Variants in CUX1 observed in about 807,000 individuals in gnomAD.
CUX1 encodes cut like homeobox 1, also known as protein CASP.
A neutral mutation model predicts 158.8 loss-of-function variants in CUX1; 31 were observed. The ratio of observed to expected loss-of-function variants is 0.20; its 90% CI spans 0.15 to 0.26. CUX1 has a LOEUF of 0.26. Ranked by LOEUF, CUX1 falls within the 10% of genes least tolerant of loss-of-function variation. The probability of loss-of-function intolerance (pLI) is 1.00; values close to 1 mark genes in which losing one functional copy is unlikely to be tolerated. For missense variants in CUX1, 1,589 were observed against 2,014.6 expected (o/e 0.79, Z 4.04); for synonymous variants, 879 against 862.1 (o/e 1.02, Z -0.34).
At chr7:101,919,854 G>A (rs1212430434) in intron 2 of CUX1, among the ~76,000 whole-genome samples, 1 of 152,206 alleles carries the variant, frequency 6.6e-6, no homozygotes, top group African/African-American at 2.4e-5. Flanking sequence ...GAGGGGTGCT[G>A]TGTGGTGGCT....
rs528592275 is a variant in CUX1, at chr7:102,133,097, G to A, written c.674+17824G>A. On this transcript the variant is annotated intron_variant, in intron 8 of 23. Coordinates refer to ENST00000292535, the MANE Select transcript of CUX1 (RefSeq NM_181552.4). ...AAAGTTATCTTTCTAAAATCTGTCT[G>A]ATCCTGCTAAAACCTGTCCCACTTA... is the stretch of plus-strand genomic sequence containing the variant. Among the ~76,000 whole-genome samples, 71 of 152,214 alleles carry A rather than the reference G, an allele frequency of 4.7e-4. No homozygotes were observed. The Middle Eastern group carries it at 0.01, about 22-fold the overall frequency.
rs143431970 is a variant in CUX1 at position 102,109,037 on chromosome 7, A to G, written c.531-2661A>G. Among the ~76,000 whole-genome samples the G allele has an allele frequency of 2.4e-3, 370 of 152,334 alleles. 1 individual carries two copies. Among genetic ancestry groups the G allele is most frequent in the African/African-American group, 8.6e-3 (357 of 41,576 alleles). ...CCAAACTGCTGGGATTACAGGCGTC[A>G]TTCTTTATAACAAAAAATTGTTGAT... On this transcript the variant is annotated intron_variant, in intron 6 of 23. Transcript: ENST00000292535.
At chr7:101,877,004 T>A (rs1432057799) in intron 1 of CUX1, among the ~76,000 whole-genome samples, 37 of 152,192 alleles carry the variant, frequency 2.4e-4, no homozygotes, top group Non-Finnish European at 5.9e-5. Flanking sequence ...TCCGTGCAGC[T>A]TTTCTATGAT....
chr7:102,018,144 A>G (rs1818882627), intron 2 of CUX1, among the ~76,000 whole-genome samples: 2 of 151,966 alleles, frequency 1.3e-5, no homozygotes, highest in South Asian at 4.2e-4. Flanking sequence ...AACTTTTTGT[A>G]GAGCAGGAGT....
At chr7:101,987,769 C>T (rs918275248) in intron 2 of CUX1, among the ~76,000 whole-genome samples, 2 of 152,206 alleles carry the variant, frequency 1.3e-5, no homozygotes, top group South Asian at 4.1e-4. Flanking sequence ...TTACAGGAAA[C>T]GGCAAATGAA....
intron 4 of CUX1, among the ~76,000 whole-genome samples, chr7:102,096,926 C>A (rs990010606): frequency 6.6e-6 from 1 of 152,218 alleles, no homozygotes; most frequent in Non-Finnish European, 1.5e-5. Context: ...CATCAGGTGT[C>A]ACTTCCAGCC....
chr7:102,047,358 G>GGGATAGATGGATGGATGATTGGATAGAA (rs1822935080), intron 3 of CUX1, among the ~76,000 whole-genome samples: 1 of 151,850 alleles, frequency 6.6e-6, no homozygotes, highest in African/African-American at 2.4e-5. Flanking sequence ...GGGTGAATAG[G>GGGATAGATGGATGGATGATTGGATAGAA]GGATAGATGG....
chr7:102,119,952 T>C (rs925402897), intron 8 of CUX1, among the ~76,000 whole-genome samples: 1 of 152,228 alleles, frequency 6.6e-6, no homozygotes, highest in Non-Finnish European at 1.5e-5. Context: ...CTAATAGCCT[T>C]AACCTTGGAG....
chr7:102,013,549 C>T (rs1274906666), intron 2 of CUX1, among the ~76,000 whole-genome samples: 5 of 152,174 alleles, frequency 3.3e-5, no homozygotes, highest in Non-Finnish European at 5.9e-5. Context: ...ATTCAAAAGG[C>T]AGTTATTGAC....
At chr7:102,258,953 G>A (rs1490702019), downstream of CUX1, among the ~76,000 whole-genome samples, 1 of 152,196 alleles carries the variant, frequency 6.6e-6, no homozygotes, top group African/African-American at 2.4e-5. Context: ...GCTTCTCCGC[G>A]CAGTTGTGAC....
At chr7:102,266,375 C>T (rs550229245) in intron 14 of CUX1, among the ~76,000 whole-genome samples, 33 of 151,870 alleles carry the variant, frequency 2.2e-4, no homozygotes, top group African/African-American at 4.3e-4. Context: ...TGTCACCTCC[C>T]GAGGCTGGAC....
At chr7:102,034,432 C>T (rs1455439844) in intron 3 of CUX1, among the ~76,000 whole-genome samples, 1 of 151,976 alleles carries the variant, frequency 6.6e-6, no homozygotes, top group African/African-American at 2.4e-5. Flanking sequence ...CCAGCCTGGA[C>T]AATGTGGTGG....
intron 17 of CUX1, chr7:102,277,932 TGCCCC>T: frequency 5.2e-6 from 6 of 1,150,370 alleles, no homozygotes; most frequent in Non-Finnish European, 7.4e-6. Flanking sequence ...CCCCTTTCCT[TGCCCC>T]TCCCCCCCCA....
chr7:102,044,260 G>T (rs2129848487), intron 3 of CUX1, among the ~76,000 whole-genome samples: 1 of 152,104 alleles, frequency 6.6e-6, no homozygotes, highest in Non-Finnish European at 1.5e-5. Flanking sequence ...TGCCATCTTG[G>T]CTCACTGCAA....
intron 22 of CUX1, among the ~76,000 whole-genome samples, chr7:102,234,694 C>A (rs913913238): frequency 6.8e-6 from 1 of 147,344 alleles, no homozygotes; most frequent in Non-Finnish European, 1.5e-5. Flanking sequence ...CTGAGGCAGG[C>A]GGATCACTTG....
At chr7:101,855,899 G>T (rs1329697962) in intron 1 of CUX1, among the ~76,000 whole-genome samples, 1 of 135,738 alleles carries the variant, frequency 7.4e-6, no homozygotes, top group East Asian at 2.1e-4. Context: ...AAAAAATGCA[G>T]CTTAAGTGCT....
rs187866866 is a variant in CUX1 at position 102,130,717 on chromosome 7, T to A, written c.674+15444T>A. 1.3e-3 allele frequency among the ~76,000 whole-genome samples: 194 copies of A among 152,240 alleles called. 1 individual carries two copies. Among genetic ancestry groups the A allele is most frequent in the African/African-American group, 4.4e-3 (181 of 41,558 alleles). The stretch of plus-strand genomic sequence containing the variant: ...TATGTAGTGTTGAGAATCCTTGCTA[T>A]CCAAATAGCCTGAAGCACAAAAGCA... On this transcript the variant is annotated intron_variant, in intron 8 of 23. Transcript: ENST00000292535.
intron 20 of CUX1, among the ~76,000 whole-genome samples, chr7:102,215,848 C>T (rs1796994417): frequency 6.6e-6 from 1 of 152,158 alleles, no homozygotes; most frequent in Non-Finnish European, 1.5e-5. Flanking sequence ...GCACACTGGG[C>T]CAACAGGCAG....
At chr7:102,021,614 C>CTTTTTTTTTTT (rs67147187) in intron 2 of CUX1, among the ~76,000 whole-genome samples, 3 of 109,338 alleles carry the variant, frequency 2.7e-5, no homozygotes, top group Non-Finnish European at 6.1e-5. Flanking sequence ...TTTTTTTTCT[C>CTTTTTTTTTTT]TTTTTTTTTT....
Sources: allele counts gnomAD v4.1 joint callset (sites outside exome capture counted in the v4.1 genomes callset), GRCh38; gene constraint gnomAD v4.1.1; transcripts MANE v1.5; gene names NCBI Gene and HGNC (gene_info 2026-07-23, HGNC 2026-07-21).